Variants in CGNL1 observed in about 807,000 individuals in gnomAD.
The protein encoded by CGNL1 is cingulin like 1.
A neutral mutation model predicts 141.2 loss-of-function variants in CGNL1; 132 were observed. That is an observed-to-expected ratio of 0.93 (90% confidence interval 0.81 to 1.08). The LOEUF (loss-of-function observed/expected upper bound fraction) is 1.08, where lower values mean the gene tolerates loss of function less well. CGNL1 is among the 50% of genes least tolerant of loss of function. The probability of loss-of-function intolerance (pLI) is 0.00; values close to 1 mark genes in which losing one functional copy is unlikely to be tolerated. For missense variants in CGNL1, 1,870 were observed against 1,588.6 expected, an observed-to-expected ratio of 1.18 and a Z score of -3.01; for synonymous variants, 690 against 622.1, an observed-to-expected ratio of 1.11 and a Z score of -1.63.
At chr15:57,379,742 G>A (rs1293833588) in intron 1 of CGNL1, among the ~76,000 whole-genome samples, 1 of 151,970 alleles carries the variant, frequency 6.6e-6, no homozygotes, top group East Asian at 1.9e-4. Context: ...GAATGACCAA[G>A]TGCTTACTTT....
At chr15:57,480,002 G>C (rs1259265199) in intron 8 of CGNL1, among the ~76,000 whole-genome samples, 1 of 152,188 alleles carries the variant, frequency 6.6e-6, no homozygotes, top group Non-Finnish European at 1.5e-5. Flanking sequence ...TGAGATTTCT[G>C]CTCCAGGAAT....
chr15:57,420,380 C>T (rs933968482), intron 1 of CGNL1, among the ~76,000 whole-genome samples: 1 of 152,172 alleles, frequency 6.6e-6, no homozygotes, highest in African/African-American at 2.4e-5. Flanking sequence ...ATGTAACCAT[C>T]TACAAATCAG....
chr15:57,461,323 A>C (rs1780250565), intron 7 of CGNL1, among the ~76,000 whole-genome samples: 1 of 152,184 alleles, frequency 6.6e-6, no homozygotes, highest in Non-Finnish European at 1.5e-5. Context: ...CCGTGAAGCA[A>C]CAGCACACAC....
chr15:57,478,910 A>T (rs1381298454), intron 8 of CGNL1, among the ~76,000 whole-genome samples: 1 of 152,186 alleles, frequency 6.6e-6, no homozygotes, highest in Non-Finnish European at 1.5e-5. Flanking sequence ...AAGTGCTGGG[A>T]TAGCAGGTGT....
rs747655307 is a variant in CGNL1 at position 57,451,597 on chromosome 15, T to A, written c.1901T>A (p.Val634Asp). ...CTTCAGAGACAGCTTCAACTGGAAG[T>A]CAAGGTATCTGGTTTTTCCTTTATG... ...AELQRQLQLEVKNQQNIKEER... is the reference protein window; with the variant it reads ...AELQRQLQLEDKNQQNIKEER... The change falls in exon 5 of 19, where the codon GTC (valine) becomes GAC (aspartate). Residue 634 changes from valine to aspartate, a missense_variant. Val to Asp is a radical substitution (Grantham distance 152). Coordinates refer to ENST00000281282, the MANE Select transcript of CGNL1 (RefSeq NM_032866.5). The A allele has an allele frequency of 6.2e-7, 1 of 1,601,822 alleles. No individual in the cohort carries two copies. Among genetic ancestry groups the A allele is most frequent in the Non-Finnish European group, 8.5e-7 (1 of 1,170,902 alleles).
chr15:57,485,637 A>G (rs1404092836), intron 8 of CGNL1, among the ~76,000 whole-genome samples: 1 of 152,178 alleles, frequency 6.6e-6, no homozygotes, highest in Non-Finnish European at 1.5e-5. Flanking sequence ...ATTGTGTGGA[A>G]TTTTTTATTT....
At position 57,440,792 on chromosome 15, in the gene CGNL1, A is replaced by G. The variant is rs115751352; in HGVS notation, c.1697+321A>G. Among the ~76,000 whole-genome samples the G allele has an allele frequency of 2.6e-3, 397 of 152,332 alleles. 4 individuals are homozygous for G. The highest frequency in any genetic ancestry group is 9.2e-3 in the African/African-American group (384 of 41,580). Reference sequence around the variant, plus strand: ...TCTTCAGGTTTGAATGGAGTCCGCCATCACCTTGAGTTCTTCCGTGCAATG... The same window carrying G: ...TCTTCAGGTTTGAATGGAGTCCGCCGTCACCTTGAGTTCTTCCGTGCAATG... On this transcript the variant is annotated intron_variant, in intron 3 of 18. Transcript: ENST00000281282.
intron 8 of CGNL1, among the ~76,000 whole-genome samples, chr15:57,494,081 G>A (rs2063903170): frequency 6.6e-6 from 1 of 152,202 alleles, no homozygotes; most frequent in Non-Finnish European, 1.5e-5. Context: ...ATTGGGGTAT[G>A]AACCTGAAAA....
At chr15:57,487,920 T>C (rs1421420384) in intron 8 of CGNL1, among the ~76,000 whole-genome samples, 3 of 152,222 alleles carry the variant, frequency 2.0e-5, no homozygotes, top group Non-Finnish European at 4.4e-5. Flanking sequence ...TTCATTTCTT[T>C]GGCGTGTATA....
chr15:57,390,177 G>A (rs190581981), intron 1 of CGNL1, among the ~76,000 whole-genome samples: 1 of 152,224 alleles, frequency 6.6e-6, no homozygotes, highest in Admixed American at 6.5e-5. Context: ...TGTTGGTTGG[G>A]TGTGGTTTGG....
At chr15:57,432,562 C>T (rs139259645) in intron 1 of CGNL1, among the ~76,000 whole-genome samples, 66 of 152,316 alleles carry the variant, frequency 4.3e-4, no homozygotes, top group Non-Finnish European at 8.1e-4. Context: ...TGCATCCTGG[C>T]GATTGATCAG....
chr15:57,533,170 A>G (rs1172515773), intron 14 of CGNL1, among the ~76,000 whole-genome samples: 5 of 152,072 alleles, frequency 3.3e-5, no homozygotes, highest in African/African-American at 1.2e-4. Context: ...GAAAGTTGCA[A>G]CCCAGCTGTG....
intron 1 of CGNL1, among the ~76,000 whole-genome samples, 168 bp downstream of exon 1, chr15:57,376,735 G>A (rs1174248226): frequency 6.6e-6 from 1 of 151,780 alleles, no homozygotes; most frequent in South Asian, 2.1e-4. Flanking sequence ...GCGTGTCCTG[G>A]GGCTCGAAGA....
chr15:57,496,826 A>G (rs2063945433), intron 8 of CGNL1, among the ~76,000 whole-genome samples: 1 of 152,230 alleles, frequency 6.6e-6, no homozygotes, highest in African/African-American at 2.4e-5. Flanking sequence ...CACAGAGCAC[A>G]GTGAGGGTGA....
chr15:57,392,335 A>T (rs1326910381), intron 1 of CGNL1, among the ~76,000 whole-genome samples: 1 of 152,162 alleles, frequency 6.6e-6, no homozygotes, highest in African/African-American at 2.4e-5. Context: ...ATCAGCCTAG[A>T]GGGAGGTTGG....
At chr15:57,379,210 A>G (rs2062399612) in intron 1 of CGNL1, among the ~76,000 whole-genome samples, 1 of 152,222 alleles carries the variant, frequency 6.6e-6, no homozygotes, top group Non-Finnish European at 1.5e-5. Context: ...CCTGAACAGC[A>G]ATAGTTACAC....
In CGNL1 at chr15:57,438,107, G is replaced by C; in HGVS notation, c.108G>C (p.Lys36Asn). ...AATCAAGGAGTTCCCAGAACTCCAA[G>C]GCAGGCTCCTACGGTGTCAGTATTC... ...TQKSRSSQNS[K>N]AGSYGVSIRV... Residue 36 changes from lysine to asparagine, a missense_variant, in exon 2 of 19, where the codon AAG becomes AAC. Coordinates refer to ENST00000281282, the MANE Select transcript of CGNL1 (RefSeq NM_032866.5). The C allele has an allele frequency of 6.2e-7, 1 of 1,614,134 alleles. No individual in the cohort carries two copies.
intron 18 of CGNL1, among the ~76,000 whole-genome samples, chr15:57,546,958 G>A (rs2032903529): frequency 6.6e-6 from 1 of 152,134 alleles, no homozygotes; most frequent in Non-Finnish European, 1.5e-5. Context: ...TGGCATTAGG[G>A]TGCAGCATTT....
At chr15:57,463,180 T>A (rs1280442647) in intron 8 of CGNL1, among the ~76,000 whole-genome samples, 1 of 152,208 alleles carries the variant, frequency 6.6e-6, no homozygotes, top group African/African-American at 2.4e-5. Flanking sequence ...GGGGGATATG[T>A]TTGTAGTGAT....
Sources: allele counts gnomAD v4.1 joint callset (sites outside exome capture counted in the v4.1 genomes callset), GRCh38; gene constraint gnomAD v4.1.1; transcripts MANE v1.5; gene names NCBI Gene and HGNC (gene_info 2026-07-23, HGNC 2026-07-21).